PRKCB: variants seen among roughly 807,000 people sequenced by gnomAD.
The protein encoded by PRKCB is protein kinase C beta, also known as protein kinase C beta type.
Under a neutral mutation model 81.5 loss-of-function variants are expected in PRKCB, and 13 were observed. That is an observed-to-expected ratio of 0.16 (90% CI 0.10 to 0.25). PRKCB has a LOEUF of 0.25. PRKCB is among the 10% of genes least tolerant of loss of function. The probability of loss-of-function intolerance (pLI) is 1.00; values close to 1 mark genes in which losing one functional copy is unlikely to be tolerated. For missense variants in PRKCB, 509 were observed against 875.7 expected (o/e 0.58, Z 5.29); for synonymous variants, 335 against 321.4 (o/e 1.04, Z -0.45).
intron 5 of PRKCB, among the ~76,000 whole-genome samples, chr16:24,070,015 A>G (rs1966087869): frequency 6.6e-6 from 1 of 152,224 alleles, no homozygotes; most frequent in South Asian, 2.1e-4. Flanking sequence ...ATGGATAATT[A>G]CAGCAAAGTG....
intron 2 of PRKCB, among the ~76,000 whole-genome samples, chr16:23,946,618 T>G (rs1299776722): frequency 6.8e-6 from 1 of 147,052 alleles, no homozygotes; most frequent in African/African-American, 2.7e-5. Flanking sequence ...GAAATGCTGA[T>G]TCTTAGCAGG....
intron 2 of PRKCB, among the ~76,000 whole-genome samples, chr16:23,941,134 G>A (rs1964136301): frequency 6.6e-6 from 1 of 152,176 alleles, no homozygotes; most frequent in Non-Finnish European, 1.5e-5. Flanking sequence ...TGGGGCATCT[G>A]AGCAACTACT....
At chr16:24,018,578 A>G (rs1965316552) in intron 3 of PRKCB, among the ~76,000 whole-genome samples, 2 of 152,250 alleles carry the variant, frequency 1.3e-5, no homozygotes, top group Non-Finnish European at 2.9e-5. Flanking sequence ...CCCTATATTG[A>G]CATGGACTGC....
chr16:24,106,106 AAG>A (rs1491290196), intron 7 of PRKCB, among the ~76,000 whole-genome samples: 6 of 79,622 alleles, frequency 7.5e-5, no homozygotes, highest in East Asian at 5.4e-4. Context: ...TACAAAAAAA[AAG>A]CAAAAAACAA....
intron 16 of PRKCB, among the ~76,000 whole-genome samples, chr16:24,196,159 T>G (rs73550410): frequency 0.015 from 2,286 of 152,332 alleles, 64 homozygotes; most frequent in African/African-American, 0.052. Context: ...GATTGTGACT[T>G]TCTCTGTGTC....
At chr16:24,035,236 G>A (rs1264900252) in intron 4 of PRKCB, among the ~76,000 whole-genome samples, 183 bp from the exon 5 acceptor site, 6 of 152,188 alleles carry the variant, frequency 3.9e-5, no homozygotes, top group Non-Finnish European at 8.8e-5. Flanking sequence ...GGTTCAGGGG[G>A]AAGAGTTGGA....
chr16:23,943,361 C>CA (rs1018839056), intron 2 of PRKCB, among the ~76,000 whole-genome samples: 5 of 151,978 alleles, frequency 3.3e-5, no homozygotes, highest in African/African-American at 1.2e-4. Context: ...CCCATCTCTA[C>CA]AAAAAAAGTT....
chr16:23,981,652 CCTTCCTTTTTTCCCTTTCT>C (rs1483936112), intron 2 of PRKCB, among the ~76,000 whole-genome samples: 2 of 127,976 alleles, frequency 1.6e-5, no homozygotes, highest in African/African-American at 6.1e-5. Context: ...TTTCTCCTTC[CCTTCCTTTTTTCCCTTTCT>C]CTTCCCCTTC....
intron 5 of PRKCB, among the ~76,000 whole-genome samples, chr16:24,084,287 C>G (rs1596541130): frequency 2.0e-5 from 3 of 151,962 alleles, no homozygotes; most frequent in South Asian, 2.1e-4. Context: ...AAGTAGAGTT[C>G]AAGACAAATA....
At chr16:24,187,289 G>A (rs1015529844) in intron 15 of PRKCB, among the ~76,000 whole-genome samples, 7 of 152,200 alleles carry the variant, frequency 4.6e-5, no homozygotes, top group Admixed American at 1.3e-4. Context: ...ATTCTCAGAC[G>A]TTCTCATTTG....
chr16:24,209,583 C>T (rs1378891101), intron 16 of PRKCB, among the ~76,000 whole-genome samples: 1 of 152,182 alleles, frequency 6.6e-6, no homozygotes, highest in East Asian at 1.9e-4. Context: ...GCCTCTCTTC[C>T]TCACATACCC....
At chr16:23,886,968 A>G (rs983182085) in intron 2 of PRKCB, among the ~76,000 whole-genome samples, 10 of 152,090 alleles carry the variant, frequency 6.6e-5, no homozygotes, top group Non-Finnish European at 1.3e-4. Flanking sequence ...CACTGGGGCC[A>G]TGGGCGTCTT....
intron 15 of PRKCB, among the ~76,000 whole-genome samples, chr16:24,189,456 G>A (rs1000624887): frequency 6.6e-6 from 1 of 151,932 alleles, no homozygotes; most frequent in Non-Finnish European, 1.5e-5. Flanking sequence ...GGCTAACATG[G>A]TGAAACCCCG....
intron 2 of PRKCB, among the ~76,000 whole-genome samples, chr16:23,871,896 A>G (rs1438906483): frequency 1.3e-5 from 2 of 148,864 alleles, no homozygotes; most frequent in African/African-American, 4.9e-5. Flanking sequence ...TTTTCATAGC[A>G]TCTGTAACTG....
chr16:23,965,069 G>A (rs1964470176), intron 2 of PRKCB, among the ~76,000 whole-genome samples: 1 of 152,176 alleles, frequency 6.6e-6, no homozygotes, highest in Non-Finnish European at 1.5e-5. Flanking sequence ...TAAATTGCAT[G>A]TCCCTGGAGT....
chr16:24,200,639 G>A (rs1222107949), intron 16 of PRKCB, among the ~76,000 whole-genome samples: 6 of 152,206 alleles, frequency 3.9e-5, no homozygotes, highest in Non-Finnish European at 8.8e-5. Context: ...TCATCCCATG[G>A]CAGAAGGTGA....
chr16:23,838,117 T>C (rs567739060), intron 2 of PRKCB, among the ~76,000 whole-genome samples: 37 of 152,310 alleles, frequency 2.4e-4, no homozygotes, highest in Middle Eastern at 3.4e-3. Context: ...TTGGGGCTCA[T>C]GTCTAAAAGA....
chr16:23,987,650 G>A (rs1297469385), intron 2 of PRKCB, among the ~76,000 whole-genome samples: 1 of 152,018 alleles, frequency 6.6e-6, no homozygotes, highest in Non-Finnish European at 1.5e-5. Context: ...TGGCCTTGAG[G>A]TTTCCTGTTC....
chr16:24,204,077 G>T (rs560902462), intron 16 of PRKCB, among the ~76,000 whole-genome samples: 1 of 152,028 alleles, frequency 6.6e-6, no homozygotes, highest in Non-Finnish European at 1.5e-5. Flanking sequence ...CCAGAGCACA[G>T]CCCTGTCAGA....
Sources: allele counts gnomAD v4.1 joint callset (sites outside exome capture counted in the v4.1 genomes callset), GRCh38; gene constraint gnomAD v4.1.1; transcripts MANE v1.5; gene names NCBI Gene and HGNC (gene_info 2026-07-23, HGNC 2026-07-21).